PREX1: variants seen among roughly 807,000 people sequenced by gnomAD.
PREX1 encodes phosphatidylinositol-3,4,5-trisphosphate dependent Rac exchange factor 1, also known as phosphatidylinositol 3,4,5-trisphosphate-dependent Rac exchanger 1 protein.
A neutral mutation model predicts 198.3 loss-of-function variants in PREX1; 41 were observed. The observed-to-expected ratio is 0.21, with a 90% CI of 0.16 to 0.27. PREX1 has a LOEUF of 0.27. Ranked by LOEUF, PREX1 falls within the 10% of genes least tolerant of loss-of-function variation. The pLI is 1.00. For synonymous variants in PREX1, 843 were observed against 887.2 expected (o/e 0.95, Z 0.89); for missense variants, 1,620 against 2,200.7 (o/e 0.74, Z 5.28).
chr20:48,876,935 G>C, the PREX1 span, among the ~76,000 whole-genome samples: 1 of 152,102 alleles, frequency 6.6e-6, no homozygotes, highest in Non-Finnish European at 1.5e-5. Context: ...TCTTTCAGTT[G>C]TAAGTATTAG....
chr20:48,800,630 C>T (rs1266330019), intron 1 of PREX1, among the ~76,000 whole-genome samples: 1 of 152,066 alleles, frequency 6.6e-6, no homozygotes, highest in African/African-American at 2.4e-5. Flanking sequence ...GCAGAACTTA[C>T]CTACGAGGCG....
At chr20:48,804,597 G>A (rs1015445804) in intron 1 of PREX1, among the ~76,000 whole-genome samples, 5 of 152,206 alleles carry the variant, frequency 3.3e-5, no homozygotes, top group African/African-American at 1.2e-4. Context: ...GGCAGCGGGG[G>A]CTCAGATAGG....
In PREX1 at chr20:48,650,146, G is replaced by A. The variant is rs2089481972; in HGVS notation, c.2878C>T (p.His960Tyr). The A allele has an allele frequency of 6.2e-7, 1 of 1,613,882 alleles. No homozygotes were observed. Residue 960 changes from histidine (H) to tyrosine (Y), a missense_variant, in exon 24 of 40, where the codon CAC (histidine) becomes TAC (tyrosine). This residue lies in a region of PREX1 where 514 missense variants were observed against 611.6 expected (regional missense o/e 0.84). Coordinates refer to ENST00000371941, the MANE Select transcript of PREX1 (RefSeq NM_020820.4). ...CAGAAGTCCAGGCCACACAGCGGGT[G>A]GGGCTCCAGGGGGGCTTGTTTGAAG... Reference protein sequence around the residue: ...PPFKQAPLEPHPLCGLDFCPT... With the variant: ...PPFKQAPLEPYPLCGLDFCPT...
In PREX1 at chr20:48,727,326, C is replaced by T. The variant is rs999323098; in HGVS notation, c.520-935G>A. ...TGGAATACCGTTACCCTAACTCCCA[C>T]GCTCAGCCCTAAGCTCCTGTCCACA... On this transcript the variant is annotated intron_variant, in intron 4 of 39. Coordinates refer to ENST00000371941, the MANE Select transcript of PREX1 (RefSeq NM_020820.4). Among the ~76,000 whole-genome samples the T allele has an allele frequency of 1.1e-4, 16 of 152,134 alleles. No individual in the cohort carries two copies. In the East Asian group the frequency reaches 2.5e-3, roughly 24 times the overall value.
the PREX1 span, among the ~76,000 whole-genome samples, chr20:48,877,865 T>C: frequency 6.6e-6 from 1 of 152,032 alleles, no homozygotes; most frequent in Admixed American, 6.6e-5. Flanking sequence ...TCCCAGCACT[T>C]TGGGAGGCTG....
Position 48,651,421 on chromosome 20 carries a change from C to T in PREX1, c.2630G>A (p.Arg877His), listed in dbSNP as rs761435089. The change falls in exon 22 of 40, where the codon CGC becomes CAC. Residue 877 changes from arginine (R) to histidine (H), a missense_variant. By Grantham distance (29) the Arg-to-His change is conservative. Around this residue, in one of 7 missense-constraint regions of PREX1, gnomAD observed 514 missense variants for 611.6 expected, o/e 0.84. Coordinates refer to ENST00000371941, the MANE Select transcript of PREX1 (RefSeq NM_020820.4). ...CTTGGCGGTGAGGCCGAAGCAGCCG[C>T]GGGGCTCCACGATCTTCTCCAGCAC... ...CHVLEKIVEP[R>H]GCFGLTAKIL... is the part of the protein sequence containing the mutation. The T allele has an allele frequency of 2.4e-5, 38 of 1,609,944 alleles. No homozygotes were observed. In the East Asian group the frequency reaches 6.3e-4, roughly 26 times the overall value.
chr20:48,642,197 T>C lies in PREX1; in HGVS notation c.3746A>G (p.Lys1249Arg), dbSNP rs1479987235. Reference protein sequence around the residue: ...PVMSRAFEETKHFPMNHSLQE... With the variant: ...PVMSRAFEETRHFPMNHSLQE... ...TAAGCTGTGGTTCATAGGGAAATGC[T>C]TGGTCTCTTCGAAAGCCCGGCTCAT... The change falls in exon 29 of 40, where the codon AAG becomes AGG. Residue 1249 changes from lysine (K) to arginine (R), a missense_variant. Coordinates refer to ENST00000371941, the MANE Select transcript of PREX1 (RefSeq NM_020820.4). The C allele has an allele frequency of 5.0e-6, 8 of 1,614,102 alleles. No homozygotes were observed. In the East Asian group the frequency reaches 8.9e-5, roughly 18 times the overall value.
At chr20:48,812,193 G>C (rs1483445645) in intron 1 of PREX1, among the ~76,000 whole-genome samples, 1 of 152,208 alleles carries the variant, frequency 6.6e-6, no homozygotes, top group Non-Finnish European at 1.5e-5. Flanking sequence ...CAAAGATGCA[G>C]ATGGACTGTC....
intron 1 of PREX1, among the ~76,000 whole-genome samples, chr20:48,767,019 A>G (rs373528782): frequency 6.4e-4 from 98 of 152,262 alleles, no homozygotes; most frequent in African/African-American, 2.2e-3. Context: ...CACAGCGCCC[A>G]CCACTCAGGG....
chr20:48,632,184 T>C (rs1797907536), intron 35 of PREX1, 93 bp downstream of exon 35: 4 of 1,213,696 alleles, frequency 3.3e-6, no homozygotes, highest in Non-Finnish European at 4.8e-6. Flanking sequence ...CCACTGCCCA[T>C]GCTGGGGGTC....
At chr20:48,825,187 G>A (rs2090503374) in intron 1 of PREX1, among the ~76,000 whole-genome samples, 1 of 152,172 alleles carries the variant, frequency 6.6e-6, no homozygotes, top group Non-Finnish European at 1.5e-5. Context: ...TTCCTGACGG[G>A]CCAAGATGAG....
chr20:48,769,581 C>T (rs2090225899), intron 1 of PREX1, among the ~76,000 whole-genome samples: 1 of 152,174 alleles, frequency 6.6e-6, no homozygotes, highest in Non-Finnish European at 1.5e-5. Flanking sequence ...CTCCCTTCTC[C>T]CTCATCTCCT....
chr20:48,668,273 G>T lies in PREX1; in HGVS notation c.1666-1918C>A, dbSNP rs570644335. ...CGCAGAGGAACCAGAAGGCAGCACG[G>T]CCGACCAGGGGAGGACAAGCTGAGT... On this transcript the variant is annotated intron_variant, in intron 14 of 39. Transcript: ENST00000371941. 2.7e-3 allele frequency among the ~76,000 whole-genome samples: 410 copies of T among 152,316 alleles called. 4 individuals are homozygous for T. Among genetic ancestry groups the T allele is most frequent in the African/African-American group, 9.5e-3 (396 of 41,588 alleles).
In PREX1 at chr20:48,699,094, C is replaced by T. The variant is rs548193894; in HGVS notation, c.917+1659G>A. Among the ~76,000 whole-genome samples the T allele has an allele frequency of 3.3e-5, 5 of 152,286 alleles. No homozygotes were observed. The South Asian group carries it at 6.2e-4, about 19-fold the overall frequency. On this transcript the variant is annotated intron_variant, in intron 7 of 39. Transcript: ENST00000371941. ...AGGAGGACAGTGGGAAGCCCACACA[C>T]GGGCATGGAGCATCCATTACTCATC...
At chr20:48,636,757 T>G (rs1424016016) in intron 31 of PREX1, 74 bp from the exon 32 acceptor site, 3 of 1,376,112 alleles carry the variant, frequency 2.2e-6, no homozygotes, top group East Asian at 5.0e-5. Context: ...CCCAAAACCC[T>G]GGGTCCAGGA....
Position 48,691,475 on chromosome 20 carries a change from AACGTGGGACCCTT to A in PREX1, c.1037-392_1037-380del, listed in dbSNP as rs2089819059. ...AGTGCCAGCCTGACAAGCCAAGTCA[AACGTGGGACCCTT>A]ACCCAGTGCTGGCTGGGATGGGACC... is the stretch of plus-strand genomic sequence containing the variant. On this transcript the variant is annotated intron_variant, in intron 8 of 39. Coordinates refer to ENST00000371941, the MANE Select transcript of PREX1 (RefSeq NM_020820.4). This position sits in a 1 kb window ranked among gnomAD's most constrained non-coding sequence, Gnocchi z 5.0. Among the ~76,000 whole-genome samples, 1 of 152,192 alleles carries A rather than the reference AACGTGGGACCCTT, an allele frequency of 6.6e-6. No individual in the cohort carries two copies. Among genetic ancestry groups the A allele is most frequent in the South Asian group, 2.1e-4 (1 of 4,832 alleles).
rs572202586 is a variant in PREX1, at chr20:48,678,788, T to C, written c.1589+572A>G. ...AGGCCTCCCCAGCCATGTGGGACTGTGAATCCATTAAACCTCCTTTTCTTT... is the reference window on the plus strand; with the variant it reads ...AGGCCTCCCCAGCCATGTGGGACTGCGAATCCATTAAACCTCCTTTTCTTT... On this transcript the variant is annotated intron_variant, in intron 13 of 39. Coordinates refer to ENST00000371941, the MANE Select transcript of PREX1 (RefSeq NM_020820.4). 6.3e-4 allele frequency among the ~76,000 whole-genome samples: 96 copies of C among 152,356 alleles called. 2 individuals are homozygous for C. The South Asian group carries it at 0.019, about 30-fold the overall frequency.
At chr20:48,804,637 A>G (rs1319545195) in intron 1 of PREX1, among the ~76,000 whole-genome samples, 1 of 152,208 alleles carries the variant, frequency 6.6e-6, no homozygotes, top group East Asian at 1.9e-4. Flanking sequence ...CGCAGGGTAC[A>G]TGTGGAGAAC....
Position 48,629,531 on chromosome 20 carries a change from C to A in PREX1, c.4684G>T (p.Ala1562Ser). 6.2e-7 allele frequency: 1 copy of A among 1,614,100 alleles called. No individual in the cohort carries two copies. The highest frequency in any genetic ancestry group is 8.5e-7 in the Non-Finnish European group (1 of 1,179,964). ...PKPGAAGSVG[A>S]GLIPISSELC... is the part of the protein sequence containing the mutation. ...TCCGAGGAGATGGGGATGAGGCCGG[C>A]GCCCACACTCCCAGCAGCACCAGGC... Residue 1562 changes from alanine (A) to serine (S), a missense_variant, in exon 37 of 40, where the codon GCC (alanine) becomes TCC (serine). Ala to Ser is a moderately conservative substitution (Grantham distance 99). Transcript: ENST00000371941.
Sources: allele counts gnomAD v4.1 joint callset (sites outside exome capture counted in the v4.1 genomes callset), GRCh38; gene constraint gnomAD v4.1.1; regional missense constraint gnomAD v4.1.1; non-coding constraint Gnocchi (gnomAD v3.1); transcripts MANE v1.5; gene names NCBI Gene and HGNC (gene_info 2026-07-23, HGNC 2026-07-21).